DYNC2H1: variants seen among roughly 807,000 people sequenced by gnomAD.
DYNC2H1 encodes cytoplasmic dynein 2 heavy chain 1.
A neutral mutation model predicts 570.0 loss-of-function variants in DYNC2H1; 410 were observed. That is an observed-to-expected ratio of 0.72 (90% CI 0.66 to 0.78). DYNC2H1 has a LOEUF of 0.78. DYNC2H1 is among the 30% of genes least tolerant of loss of function. The pLI, the probability that DYNC2H1 is intolerant of heterozygous loss-of-function variation, is 0.00. For synonymous variants in DYNC2H1, 1,688 were observed against 1,677.6 expected (o/e 1.01, Z -0.15); for missense variants, 4,865 against 5,046.4 (o/e 0.96, Z 1.09).
chr11:103,154,375 T>A, intron 22 of DYNC2H1, 76 bp from the exon 23 acceptor site: 1 of 1,308,798 alleles, frequency 7.6e-7, no homozygotes, highest in Middle Eastern at 2.4e-4. Context: ...GGATTGCAGT[T>A]AAGTAACTTA....
intron 83 of DYNC2H1, among the ~76,000 whole-genome samples, chr11:103,372,131 C>T (rs532605728): frequency 2.0e-5 from 3 of 149,432 alleles, no homozygotes; most frequent in South Asian, 4.3e-4. Flanking sequence ...CCTCCACCTC[C>T]CAGGCTCAAG....
intron 82 of DYNC2H1, among the ~76,000 whole-genome samples, chr11:103,339,303 C>A (rs1024912286): frequency 6.6e-6 from 1 of 152,114 alleles, no homozygotes; most frequent in Non-Finnish European, 1.5e-5. Flanking sequence ...GTGCAGCTTC[C>A]ACCGGGGGTC....
In DYNC2H1 at chr11:103,187,336, G is replaced by A. The variant is rs17100043; in HGVS notation, c.6894-4G>A. 3.4e-4 allele frequency: 553 copies of A among 1,611,126 alleles called. No homozygotes were observed. The African/African-American group carries it at 4.9e-3, about 14-fold the overall frequency. On this transcript the variant is annotated splice_polypyrimidine_tract_variant and splice_region_variant and intron_variant, in intron 42 of 88. Transcript: ENST00000375735. The stretch of plus-strand genomic sequence containing the variant: ...CAAAGTCAGATGTCATGCATTTTTC[G>A]TAGGATGCTGCTCAGGTACGCATTT...
intron 67 of DYNC2H1, 112 bp from the exon 68 acceptor site, chr11:103,255,994 A>G: frequency 1.1e-6 from 1 of 948,500 alleles, no homozygotes. Context: ...AAATTCTTCT[A>G]AAATAACATA....
rs184621883 is a variant in DYNC2H1 at position 103,451,621 on chromosome 11, G to A, written c.12457-3565G>A. On this transcript the variant is annotated intron_variant, in intron 85 of 88. Coordinates refer to ENST00000375735, the MANE Select transcript of DYNC2H1 (RefSeq NM_001377.3). ...GCTGGGATTACAGGCATGAGCCACG[G>A]TGCCCAGCCAAGGCTTGTATATTTT... Among the ~76,000 whole-genome samples, 341 of 152,178 alleles carry A rather than the reference G, an allele frequency of 2.2e-3. 3 individuals carry two copies. Among genetic ancestry groups the A allele is most frequent in the African/African-American group, 7.9e-3 (328 of 41,516 alleles).
chr11:103,253,349 T>C lies in DYNC2H1; in HGVS notation c.10107T>C (p.Phe3369=). The C allele has an allele frequency of 6.2e-7, 1 of 1,613,410 alleles. No homozygotes were observed. The highest frequency in any genetic ancestry group is 8.5e-7 in the Non-Finnish European group (1 of 1,179,530). The change falls in exon 66 of 89, where the codon TTT becomes TTC. Residue 3369 remains phenylalanine (F), a synonymous_variant. Coordinates refer to ENST00000375735, the MANE Select transcript of DYNC2H1 (RefSeq NM_001377.3). The part of the protein sequence containing the change: ...IIDYNEEFRL[F]LSTRNPNPFI... ...ACTACAATGAAGAATTCCGCCTCTT[T>C]TTGTCAACAAGAAACCCAAATCCTT... is the stretch of plus-strand genomic sequence containing the variant.
chr11:103,200,078 G>C lies in DYNC2H1; in HGVS notation c.8121G>C (p.Gln2707His). 1.3e-6 allele frequency: 2 copies of C among 1,589,408 alleles called. No homozygotes were observed. The highest frequency in any genetic ancestry group is 1.7e-6 in the Non-Finnish European group (2 of 1,166,422). ...VLQLAGIEAQ[Q>H]VVLLLEDYQF... ...AACTTGCAGGAATTGAAGCACAACA[G>C]GTAGTTTTACTTCTTGAGGATTACC... The change falls in exon 50 of 89, where the codon CAG (glutamine) becomes CAC (histidine). Residue 2707 changes from glutamine to histidine, a missense_variant. Coordinates refer to ENST00000375735, the MANE Select transcript of DYNC2H1 (RefSeq NM_001377.3).
intron 70 of DYNC2H1, among the ~76,000 whole-genome samples, chr11:103,273,075 T>A (rs12289418): frequency 1.3e-3 from 189 of 149,958 alleles, no homozygotes; most frequent in East Asian, 3.3e-3. Context: ...ACAGTTTTTT[T>A]AAAAAAAAAA....
chr11:103,140,972 G>A (rs1329260625), intron 17 of DYNC2H1, among the ~76,000 whole-genome samples: 2 of 151,526 alleles, frequency 1.3e-5, no homozygotes, highest in Non-Finnish European at 2.9e-5. Context: ...TCCATTGCTG[G>A]TACCCTTTCT....
In DYNC2H1 at chr11:103,192,013, C is replaced by G. The variant is rs79503861; in HGVS notation, c.7541-84C>G. ...ATGCCAAAATTATGGTATGTAGACA[C>G]CTGCTATTTCTTTCTAATTTTATGT... On this transcript the variant is annotated intron_variant, in intron 46 of 88. Coordinates refer to ENST00000375735, the MANE Select transcript of DYNC2H1 (RefSeq NM_001377.3). The G allele has an allele frequency of 5.6e-4, 633 of 1,122,256 alleles. 4 individuals are homozygous for G. In the African/African-American group the frequency reaches 9.0e-3, roughly 16 times the overall value. 69.5% of individuals were successfully genotyped at this position (1,122,256 alleles called of 1,614,324 possible).
chr11:103,255,266 G>T (rs1156597942), intron 66 of DYNC2H1, 149 bp from the exon 67 acceptor site: 4 of 816,314 alleles, frequency 4.9e-6, no homozygotes, highest in Non-Finnish European at 7.3e-6. Flanking sequence ...ATTGTTGAAG[G>T]TGTCTTATGT....
intron 82 of DYNC2H1, among the ~76,000 whole-genome samples, chr11:103,357,977 G>T (rs138006895): frequency 6.6e-5 from 10 of 152,124 alleles, no homozygotes; most frequent in Non-Finnish European, 1.2e-4. Flanking sequence ...AACAACAAAT[G>T]AAGCATCTTT....
chr11:103,433,585 A>G (rs1265183222), intron 84 of DYNC2H1, among the ~76,000 whole-genome samples: 3 of 152,104 alleles, frequency 2.0e-5, no homozygotes, highest in African/African-American at 7.2e-5. Context: ...AGGAGTGTCA[A>G]ATAATTTAAG....
Position 103,395,038 on chromosome 11 carries a change from AATGCAGATATGTACATAATATACAGAC to A in DYNC2H1, c.12157-4613_12157-4587del, listed in dbSNP as rs1369049962. ...AGAAATCCACTTGTGGATTTAATTT[AATGCAGATATGTACATAATATACAGAC>A]ATGCAGATATGGGCATAATTTAATC... On this transcript the variant is annotated intron_variant, in intron 83 of 88. Coordinates refer to ENST00000375735, the MANE Select transcript of DYNC2H1 (RefSeq NM_001377.3). The surrounding 1 kb of genome is among the most constrained non-coding windows in gnomAD (Gnocchi z 4.3). Among the ~76,000 whole-genome samples, 2 of 152,172 alleles carry A rather than the reference AATGCAGATATGTACATAATATACAGAC, an allele frequency of 1.3e-5. No individual in the cohort carries two copies. The highest frequency in any genetic ancestry group is 4.8e-5 in the African/African-American group (2 of 41,446).
chr11:103,416,538 T>G (rs543181710), intron 84 of DYNC2H1, among the ~76,000 whole-genome samples: 187 of 152,286 alleles, frequency 1.2e-3, no homozygotes, highest in African/African-American at 4.0e-3. Context: ...TTGACAAACC[T>G]GACAAAAGAC....
chr11:103,307,970 A>G (rs1356024998), intron 78 of DYNC2H1, 139 bp downstream of exon 78: 2 of 426,230 alleles, frequency 4.7e-6, no homozygotes, highest in African/African-American at 2.0e-5. Flanking sequence ...AGATAATAGC[A>G]TAAGATGATG....
At chr11:103,450,670 C>G (rs554604) in intron 85 of DYNC2H1, among the ~76,000 whole-genome samples, 54,211 of 152,106 alleles carry the variant, frequency 0.36, 10,254 homozygotes, top group African/African-American at 0.48. Flanking sequence ...AAAATGTGGA[C>G]ATGGCACATT....
intron 30 of DYNC2H1, among the ~76,000 whole-genome samples, 188 bp from the exon 31 acceptor site, chr11:103,165,710 G>A (rs993327196): frequency 6.6e-6 from 1 of 152,034 alleles, no homozygotes; most frequent in South Asian, 2.1e-4. Context: ...AAGTAGGCTT[G>A]GCTGCATCAC....
At position 103,343,441 on chromosome 11, in the gene DYNC2H1, T is replaced by C. The variant is rs995975947; in HGVS notation, c.12040-14802T>C. On this transcript the variant is annotated intron_variant, in intron 82 of 88. Coordinates refer to ENST00000375735, the MANE Select transcript of DYNC2H1 (RefSeq NM_001377.3). ...TCTAGTATAAATTTCAGGACTCTGT[T>C]CCTTTAGGCACCCAGGCCCACCAAT... Among the ~76,000 whole-genome samples, 12 of 143,980 alleles carry C rather than the reference T, an allele frequency of 8.3e-5. No individual in the cohort carries two copies. The Admixed American group carries it at 8.9e-4, about 11-fold the overall frequency. 94.5% of individuals were successfully genotyped at this position (143,980 alleles called of 152,430 possible). A position where few individuals can be genotyped will look rare whatever the true frequency, so the allele number is the denominator to read the frequency against.
Sources: gnomAD v4.1 joint callset for allele counts (sites outside exome capture counted in the v4.1 genomes callset) on GRCh38, gnomAD v4.1.1 for gene constraint, Gnocchi (gnomAD v3.1) non-coding constraint, MANE v1.5 for transcripts, NCBI Gene and HGNC (gene_info 2026-07-23, HGNC 2026-07-21) for gene names.